Variants in PTPRT observed in about 807,000 individuals in gnomAD.
PTPRT encodes the protein receptor-type tyrosine-protein phosphatase T.
A neutral mutation model predicts 176.8 loss-of-function variants in PTPRT; 56 were observed. The ratio of observed to expected loss-of-function variants is 0.32; its 90% CI spans 0.26 to 0.40. The LOEUF (loss-of-function observed/expected upper bound fraction) is 0.40, where lower values mean the gene tolerates loss of function less well. Ranked by LOEUF, PTPRT falls within the 10% of genes least tolerant of loss-of-function variation. PTPRT has a pLI of 1.00. For synonymous variants in PTPRT, 783 were observed against 739.0 expected, an observed-to-expected ratio of 1.06 and a Z score of -0.96; for missense variants, 1,540 against 1,908.2, an observed-to-expected ratio of 0.81 and a Z score of 3.60.
intron 1 of PTPRT, among the ~76,000 whole-genome samples, chr20:42,955,984 C>T (rs191416712): frequency 1.6e-4 from 25 of 152,250 alleles, no homozygotes; most frequent in East Asian, 7.7e-4. Context: ...TTGGCCTTAG[C>T]GCATTCCCTT....
intron 11 of PTPRT, among the ~76,000 whole-genome samples, chr20:42,329,342 T>C (rs920563883): frequency 4.6e-5 from 7 of 152,226 alleles, no homozygotes; most frequent in East Asian, 1.9e-4. Flanking sequence ...GCCAAGAACA[T>C]TTTGAACAAC....
intron 1 of PTPRT, among the ~76,000 whole-genome samples, chr20:43,027,742 T>C (rs539053703): frequency 6.6e-6 from 1 of 152,160 alleles, no homozygotes; most frequent in Non-Finnish European, 1.5e-5. Flanking sequence ...CAGGGTATGG[T>C]AATTTGTTAT....
At chr20:42,038,583 G>A in the PTPRT span, among the ~76,000 whole-genome samples, 2 of 152,196 alleles carry the variant, frequency 1.3e-5, no homozygotes, top group Admixed American at 1.3e-4. Flanking sequence ...AGACTATCTG[G>A]ATGCAGTCCC....
chr20:42,153,583 G>A (rs1427504639), intron 17 of PTPRT, among the ~76,000 whole-genome samples: 2 of 152,156 alleles, frequency 1.3e-5, no homozygotes, highest in Non-Finnish European at 2.9e-5. Flanking sequence ...TAGGCTAAAA[G>A]GGAAAGACTG....
rs1491342115 is a variant in PTPRT, at chr20:42,633,818, T to TATATATATATAA, written c.1153+44047_1153+44048insTTATATATATAT. On this transcript the variant is annotated intron_variant, in intron 7 of 30. Transcript: ENST00000373187. ...ATATATATATATATATATATATATA[T>TATATATATATAA]AATAAAATATTAATATATTATAATA... 2.2e-3 allele frequency among the ~76,000 whole-genome samples: 129 copies of TATATATATATAA among 57,698 alleles called. 4 individuals carry two copies. Among genetic ancestry groups the TATATATATATAA allele is most frequent in the African/African-American group, 9.8e-3 (120 of 12,296 alleles). 37.9% of individuals were successfully genotyped at this position (57,698 alleles called of 152,430 possible). A position where few individuals can be genotyped will look rare whatever the true frequency, so the allele number is the denominator to read the frequency against.
intron 12 of PTPRT, among the ~76,000 whole-genome samples, chr20:42,284,091 G>A (rs1044523459): frequency 1.3e-5 from 2 of 151,984 alleles, no homozygotes; most frequent in African/African-American, 4.8e-5. Context: ...AGTCTTTTGA[G>A]CTATCCTAGC....
intron 2 of PTPRT, among the ~76,000 whole-genome samples, chr20:42,791,963 C>T (rs990699821): frequency 1.4e-4 from 21 of 152,210 alleles, no homozygotes; most frequent in African/African-American, 4.6e-4. Flanking sequence ...ACTTTGGGCT[C>T]CACCATATGA....
In PTPRT at chr20:42,445,464, A is replaced by T. The variant is rs139765866; in HGVS notation, c.1560+2756T>A. On this transcript the variant is annotated intron_variant, in intron 9 of 30. Transcript: ENST00000373187. ...CAGAGCTGGGATTCAGATCTAGGCTATATAGGCTCAAATGTCACCATCCTT... is the reference window on the plus strand; with the variant it reads ...CAGAGCTGGGATTCAGATCTAGGCTTTATAGGCTCAAATGTCACCATCCTT... Among the ~76,000 whole-genome samples, 272 of 152,288 alleles carry T rather than the reference A, an allele frequency of 1.8e-3. 1 individual carries two copies. The highest frequency in any genetic ancestry group is 6.0e-3 in the African/African-American group (249 of 41,556).
chr20:42,844,831 G>A (rs1464748229), intron 2 of PTPRT, among the ~76,000 whole-genome samples: 3 of 152,166 alleles, frequency 2.0e-5, no homozygotes, highest in Non-Finnish European at 4.4e-5. Flanking sequence ...GGGCGTACGG[G>A]GATTTGGCAA....
chr20:42,797,665 T>A (rs962670507), intron 2 of PTPRT, among the ~76,000 whole-genome samples: 2 of 152,128 alleles, frequency 1.3e-5, no homozygotes, highest in Non-Finnish European at 2.9e-5. Flanking sequence ...GAATTAAGGT[T>A]CAGATGGAAT....
chr20:42,459,577 C>T (rs746975681), intron 8 of PTPRT, among the ~76,000 whole-genome samples: 29 of 152,172 alleles, frequency 1.9e-4, no homozygotes, highest in African/African-American at 7.2e-5. Context: ...TCTTGACATA[C>T]ATTGCAGGAT....
rs62204946 is a variant in PTPRT, at chr20:42,483,669, A to G, written c.1154-11107T>C. Among the ~76,000 whole-genome samples the G allele has an allele frequency of 8.4e-3, 1,275 of 152,334 alleles. 11 individuals are homozygous for G. The highest frequency in any genetic ancestry group is 0.014 in the Middle Eastern group (4 of 294). ...GGTACAGAGGGGGAACCCAGAGTCA[A>G]ATATAATCCAGATTCACAAAGCAGC... On this transcript the variant is annotated intron_variant, in intron 7 of 30. Coordinates refer to ENST00000373187, the MANE Select transcript of PTPRT (RefSeq NM_007050.6).
At chr20:42,439,436 T>C (rs1415404575) in intron 9 of PTPRT, among the ~76,000 whole-genome samples, 1 of 152,220 alleles carries the variant, frequency 6.6e-6, no homozygotes, top group Non-Finnish European at 1.5e-5. Flanking sequence ...CCTATGTTTC[T>C]TCAATTACTC....
chr20:42,157,369 G>C (rs1161663460), intron 17 of PTPRT, among the ~76,000 whole-genome samples: 1 of 142,430 alleles, frequency 7.0e-6, no homozygotes, highest in African/African-American at 2.7e-5. Context: ...TTTTGGAGAT[G>C]GAGTCTCACT....
the PTPRT span, among the ~76,000 whole-genome samples, chr20:42,051,921 G>T: frequency 6.6e-6 from 1 of 152,304 alleles, no homozygotes; most frequent in East Asian, 1.9e-4. Context: ...CTCCCAGATT[G>T]TTTAGCTCCT....
intron 1 of PTPRT, among the ~76,000 whole-genome samples, chr20:43,109,843 G>A (rs1466201477): frequency 6.6e-6 from 1 of 152,102 alleles, no homozygotes. Context: ...AGGTCCTGGG[G>A]CCAAAAAGAA....
chr20:42,526,420 T>C (rs540892832), intron 7 of PTPRT, among the ~76,000 whole-genome samples: 1 of 152,308 alleles, frequency 6.6e-6, no homozygotes, highest in Admixed American at 6.5e-5. Context: ...GCTTCCAATA[T>C]GGCCCCTTTG....
chr20:42,344,175 C>T (rs188466696), intron 11 of PTPRT, among the ~76,000 whole-genome samples: 2 of 152,320 alleles, frequency 1.3e-5, no homozygotes, highest in East Asian at 3.9e-4. Context: ...GCTGGGATTA[C>T]AGACATGAGG....
intron 13 of PTPRT, among the ~76,000 whole-genome samples, chr20:42,266,870 G>T (rs2056846634): frequency 6.6e-6 from 1 of 152,168 alleles, no homozygotes; most frequent in South Asian, 2.1e-4. Flanking sequence ...GCACTTGAAA[G>T]GTGGCTGGTG....
Sources: allele counts gnomAD v4.1 joint callset (sites outside exome capture counted in the v4.1 genomes callset), GRCh38; gene constraint gnomAD v4.1.1; transcripts MANE v1.5; gene names NCBI Gene and HGNC (gene_info 2026-07-23, HGNC 2026-07-21).